The following DIO2 variants were observed in gnomAD, a reference collection of about 807,000 sequenced individuals.
DIO2 encodes type II iodothyronine deiodinase.
DIO2 carries 19 observed loss-of-function variants against 21.4 expected under a neutral mutation model. The ratio of observed to expected loss-of-function variants is 0.89; its 90% CI spans 0.62 to 1.30. DIO2 has a LOEUF of 1.30. Ranked by LOEUF, DIO2 falls within the 50% of genes most tolerant of loss-of-function variation. The pLI, the probability that DIO2 is intolerant of heterozygous loss-of-function variation, is 0.00. For synonymous variants in DIO2, 122 were observed against 132.9 expected, an observed-to-expected ratio of 0.92 and a Z score of 0.57; for missense variants, 302 against 338.1, an observed-to-expected ratio of 0.89 and a Z score of 0.84.
chr14:80,202,782 T>G lies in DIO2; in HGVS notation c.729A>C (p.Gly243=), dbSNP rs772706209. 10 of 1,613,946 alleles carry G rather than the reference T, an allele frequency of 6.2e-6. No homozygotes were observed. Among genetic ancestry groups the G allele is most frequent in the Non-Finnish European group, 7.6e-6 (9 of 1,179,888 alleles). Residue 243 remains glycine (G), a synonymous_variant, in exon 2 of 2, where the codon GGA becomes GGC. Coordinates refer to ENST00000438257, the MANE Select transcript of DIO2 (RefSeq NM_013989.5). ...VQRQKIAYLG[G]KGPFSYNLQE... is the part of the protein sequence containing the mutation. The stretch of plus-strand genomic sequence containing the variant: ...GAAGGTTGTAGGAGAAGGGGCCCTT[T>G]CCTCCCAGATAAGCAATTTTCTGTC...
chr14:80,204,017 T>C (rs1336227782), intron 1 of DIO2, among the ~76,000 whole-genome samples: 1 of 152,190 alleles, frequency 6.6e-6, no homozygotes. Flanking sequence ...GTGTTGTCCT[T>C]ATCAGATGCT....
At position 80,201,739 on chromosome 14, in the gene DIO2, C is replaced by T. The variant is rs796243535; in HGVS notation, c.*950G>A. The T allele has an allele frequency of 2.3e-4, 35 of 152,160 alleles. No individual in the cohort carries two copies. The highest frequency in any genetic ancestry group is 8.4e-4 in the African/African-American group (35 of 41,498). 9.4% of individuals were successfully genotyped at this position (152,160 alleles called of 1,614,324 possible). On this transcript the variant is annotated 3_prime_UTR_variant, in exon 2 of 2. Coordinates refer to ENST00000438257, the MANE Select transcript of DIO2 (RefSeq NM_013989.5). ...AAAAGTAATTATTTCCAAAAGAAAC[C>T]CCTCACAATTACAAATATTTAAGTA... is the stretch of plus-strand genomic sequence containing the variant.
At chr14:80,212,693 AT>A (rs577002242), upstream of DIO2, among the ~76,000 whole-genome samples, 29 of 152,204 alleles carry the variant, frequency 1.9e-4, no homozygotes, top group East Asian at 5.4e-3. Flanking sequence ...GGTCCTTTAA[AT>A]TTTTTTGAGT....
At position 80,202,902 on chromosome 14, in the gene DIO2, G is replaced by A; in HGVS notation, c.609C>T (p.Ser203=). ...CCACAACTCGGCACTGGGGCGGCAA[G>A]GAGAAACGCTCCAGAAGCTGCTGGG... ...AAAQQLLERF[S]LPPQCRVVAD... is the part of the protein sequence containing the mutation. The change falls in exon 2 of 2, where the codon TCC becomes TCT. Residue 203 remains serine (S), a synonymous_variant. Transcript: ENST00000438257. The A allele has an allele frequency of 6.2e-7, 1 of 1,613,970 alleles. No homozygotes were observed. The highest frequency in any genetic ancestry group is 8.5e-7 in the Non-Finnish European group (1 of 1,179,886).
In DIO2 at chr14:80,200,493, C is replaced by T. The variant is rs1484847063; in HGVS notation, c.*2196G>A. The T allele has an allele frequency of 6.6e-6, 1 of 152,394 alleles. No individual in the cohort carries two copies. The highest frequency in any genetic ancestry group is 2.4e-5 in the African/African-American group (1 of 41,432). 9.4% of individuals were successfully genotyped at this position (152,394 alleles called of 1,614,324 possible). ...AGAGAAAAAAGGGGAATTTTAAGGA[C>T]AACAGTGTGAATGTGCTGCAACCAG... is the stretch of plus-strand genomic sequence containing the variant. On this transcript the variant is annotated 3_prime_UTR_variant, in exon 2 of 2. Transcript: ENST00000438257.
Position 80,200,149 on chromosome 14 carries a change from C to A in DIO2, c.*2540G>T, listed in dbSNP as rs948153056. The A allele has an allele frequency of 6.6e-6, 1 of 152,594 alleles. No homozygotes were observed. The highest frequency in any genetic ancestry group is 2.4e-5 in the African/African-American group (1 of 41,440). 9.5% of individuals were successfully genotyped at this position (152,594 alleles called of 1,614,324 possible). On this transcript the variant is annotated 3_prime_UTR_variant, in exon 2 of 2. Transcript: ENST00000438257. ...GATAACACCAAGACATTCTACATAGCGTAGGATTCCTGAGCTTTGTCCATT... is the reference window on the plus strand; with the variant it reads ...GATAACACCAAGACATTCTACATAGAGTAGGATTCCTGAGCTTTGTCCATT...
intron 1 of DIO2, among the ~76,000 whole-genome samples, chr14:80,206,647 T>C (rs1887968487): frequency 6.6e-6 from 1 of 152,100 alleles, no homozygotes. Flanking sequence ...CATAATAACA[T>C]TTAGGCTGCA....
At chr14:80,206,979 A>T (rs1475064393) in intron 1 of DIO2, among the ~76,000 whole-genome samples, 1 of 152,136 alleles carries the variant, frequency 6.6e-6, no homozygotes, top group Non-Finnish European at 1.5e-5. Context: ...TGAAGTTCCG[A>T]TGTTCCCAAA....
In DIO2 at chr14:80,202,234, CTTG is replaced by C. The variant is rs1302645665; in HGVS notation, c.*452_*454del. 1.8e-5 allele frequency: 9 copies of C among 504,436 alleles called. No homozygotes were observed. Among genetic ancestry groups the C allele is most frequent in the African/African-American group, 9.7e-5 (5 of 51,520 alleles). The allele number at this position is 504,436 out of a possible 1,614,324, so 31.2% of individuals were successfully genotyped here. A position where few individuals can be genotyped will look rare whatever the true frequency, so the allele number is the denominator to read the frequency against. ...TAACCACATGGCCTGGGTTCAAGGA[CTTG>C]TTGTAATATTTGGGAATTTTCCAAC... On this transcript the variant is annotated 3_prime_UTR_variant, in exon 2 of 2. Coordinates refer to ENST00000438257, the MANE Select transcript of DIO2 (RefSeq NM_013989.5).
chr14:80,217,524 T>A (rs1888383980), intron 2 of DIO2, among the ~76,000 whole-genome samples: 1 of 152,208 alleles, frequency 6.6e-6, no homozygotes, highest in Admixed American at 6.5e-5. Context: ...CATTAGGGTG[T>A]CTTCCAAGGA....
intron 2 of DIO2, among the ~76,000 whole-genome samples, chr14:80,225,231 A>G (rs909543083): frequency 2.0e-5 from 3 of 152,146 alleles, no homozygotes; most frequent in Non-Finnish European, 4.4e-5. Flanking sequence ...GTTGACACTC[A>G]GTATCTACCA....
rs1887732691 is a variant in DIO2 at position 80,201,762 on chromosome 14, G to A, written c.*927C>T. ...ACCCCTCACAATTACAAATATTTAA[G>A]TATTTTTTTTTCTTTCAATCACCCC... On this transcript the variant is annotated 3_prime_UTR_variant, in exon 2 of 2. Transcript: ENST00000438257. 1 of 152,158 alleles carries A rather than the reference G, an allele frequency of 6.6e-6. No homozygotes were observed. Among genetic ancestry groups the A allele is most frequent in the South Asian group, 2.1e-4 (1 of 4,830 alleles). 9.4% of individuals were successfully genotyped at this position (152,158 alleles called of 1,614,324 possible). A position where few individuals can be genotyped will look rare whatever the true frequency, so the allele number is the denominator to read the frequency against.
Position 80,211,275 on chromosome 14 carries a change from G to C in DIO2, c.198C>G (p.Ser66Arg). 3 of 1,612,094 alleles carry C rather than the reference G, an allele frequency of 1.9e-6. No individual in the cohort carries two copies. The highest frequency in any genetic ancestry group is 2.5e-6 in the Non-Finnish European group (3 of 1,179,742). The change falls in exon 1 of 2, where the codon AGC becomes AGG. Residue 66 changes from serine (S) to arginine (R), a missense_variant. Coordinates refer to ENST00000438257, the MANE Select transcript of DIO2 (RefSeq NM_013989.5). ...TSEGLRCVWKSFLLDAYKQVK... is the reference protein window; with the variant it reads ...TSEGLRCVWKRFLLDAYKQVK... ...CCTGTTTGTAGGCATCGAGGAGGAA[G>C]CTCTTCCAGACGCAGCGCAGTCCCT...
chr14:80,214,010 A>G (rs536130379), upstream of DIO2, among the ~76,000 whole-genome samples: 173 of 152,322 alleles, frequency 1.1e-3, 1 homozygote, highest in African/African-American at 4.1e-3. Flanking sequence ...TGCAATGTAC[A>G]TTTACTGCAT....
chr14:80,230,773 T>C (rs1388488869), intron 2 of DIO2: 4 of 152,190 alleles, frequency 2.6e-5, no homozygotes, highest in Non-Finnish European at 4.4e-5. Context: ...CTAAAAGCAA[T>C]GAAAGAACTT....
chr14:80,198,770 G>GGGAA lies in DIO2; in HGVS notation c.*3918_*3919insTTCC, dbSNP rs1398813379. ...TCTGACTTTTGGCCATACCATTTAGGGAAAAAAAAAAAAAAAAAAAAACCT... is the reference window on the plus strand; with the variant it reads ...TCTGACTTTTGGCCATACCATTTAGGGGAAGAAAAAAAAAAAAAAAAAAAAACCT... On this transcript the variant is annotated 3_prime_UTR_variant, in exon 2 of 2. Transcript: ENST00000438257. 4 of 139,808 alleles carry GGGAA rather than the reference G, an allele frequency of 2.9e-5. No homozygotes were observed. In the East Asian group the frequency reaches 6.3e-4, roughly 22 times the overall value. The allele number at this position is 139,808 out of a possible 1,614,324, so 8.7% of individuals were successfully genotyped here. A position where few individuals can be genotyped will look rare whatever the true frequency, so the allele number is the denominator to read the frequency against.
chr14:80,203,765 T>G (rs1370440564), intron 1 of DIO2, among the ~76,000 whole-genome samples: 1 of 152,216 alleles, frequency 6.6e-6, no homozygotes, highest in Admixed American at 6.5e-5. Flanking sequence ...TTCATTTTCT[T>G]GCATGATACT....
At chr14:80,219,718 G>A (rs1888428640) in intron 2 of DIO2, among the ~76,000 whole-genome samples, 3 of 152,016 alleles carry the variant, frequency 2.0e-5, no homozygotes, top group South Asian at 2.1e-4. Flanking sequence ...GAACTGAATC[G>A]TACAGTAGAG....
At chr14:80,204,723 T>A (rs1887881816) in intron 1 of DIO2, among the ~76,000 whole-genome samples, 3 of 152,238 alleles carry the variant, frequency 2.0e-5, no homozygotes, top group Admixed American at 2.0e-4. Flanking sequence ...TGAAGTCACT[T>A]CGAAGTGAAT....
Sources: gnomAD v4.1 joint callset for allele counts (sites outside exome capture counted in the v4.1 genomes callset) on GRCh38, gnomAD v4.1.1 for gene constraint, MANE v1.5 for transcripts, NCBI Gene and HGNC (gene_info 2026-07-23, HGNC 2026-07-21) for gene names.